NDE1: variants seen among roughly 807,000 people sequenced by gnomAD.
NDE1 encodes nuclear distribution protein nudE homolog 1.
A neutral mutation model predicts 43.4 loss-of-function variants in NDE1; 28 were observed. That is an observed-to-expected ratio of 0.65 (90% CI 0.48 to 0.89). NDE1 has a LOEUF of 0.89. NDE1 is among the 40% of genes least tolerant of loss of function. The probability of loss-of-function intolerance (pLI) is 0.00; values close to 1 mark genes in which losing one functional copy is unlikely to be tolerated. For missense variants in NDE1, 441 were observed against 434.1 expected (o/e 1.02, Z -0.14); for synonymous variants, 184 against 172.0 (o/e 1.07, Z -0.55).
chr16:15,715,305 C>G, intron 8 of NDE1: 1 of 1,608,534 alleles, frequency 6.2e-7, no homozygotes. Context: ...GTGGTTTCAG[C>G]GGAGGGTGGC....
At chr16:15,706,046 G>C (rs56403331) in intron 8 of NDE1, among the ~76,000 whole-genome samples, 21,694 of 147,776 alleles carry the variant, frequency 0.15, 3,447 homozygotes, top group African/African-American at 0.4. Flanking sequence ...AGAGGAATTC[G>C]CAAATGACCC....
intron 8 of NDE1, among the ~76,000 whole-genome samples, chr16:15,723,244 T>G (rs2040577099): frequency 6.6e-6 from 1 of 152,204 alleles, no homozygotes; most frequent in Non-Finnish European, 1.5e-5. Flanking sequence ...AAATAAACTC[T>G]AATTAATATG....
chr16:15,708,687 A>G (rs1450504257), intron 8 of NDE1: 2 of 1,149,684 alleles, frequency 1.7e-6, no homozygotes, highest in Non-Finnish European at 2.6e-6. Flanking sequence ...AGATTTTGCA[A>G]GAATCTCGTG....
Position 15,717,205 on chromosome 16 carries a change from C to T in NDE1, c.948-6986C>T, listed in dbSNP as rs1050162. 780,938 of 1,613,910 alleles carry T rather than the reference C, an allele frequency of 0.48. 192,183 individuals are homozygous for T. Among genetic ancestry groups the T allele is most frequent in the Middle Eastern group, 0.59 (3,580 of 6,062 alleles). Reference sequence around the variant, plus strand: ...TGGCCTCCAGCGCCGCGATGGTGGACTTGAACTTGGACTTGACGGCCCCCT... The same window carrying T: ...TGGCCTCCAGCGCCGCGATGGTGGATTTGAACTTGGACTTGACGGCCCCCT... On this transcript the variant is annotated intron_variant, in intron 8 of 8. Transcript: ENST00000396354.
intron 8 of NDE1, chr16:15,718,543 G>T: frequency 6.9e-7 from 1 of 1,444,634 alleles, no homozygotes; most frequent in South Asian, 1.3e-5. Flanking sequence ...TCATCTAATG[G>T]GTGAAACTGA....
At chr16:15,660,397 T>C (rs1425127750) in intron 1 of NDE1, among the ~76,000 whole-genome samples, 2 of 152,014 alleles carry the variant, frequency 1.3e-5, no homozygotes, top group Non-Finnish European at 2.9e-5. Flanking sequence ...CAGTGCCGCC[T>C]AGGAGTTCAA....
chr16:15,690,337 C>CTTTTTTTTTTTTCTTT (rs2038671438), intron 5 of NDE1, among the ~76,000 whole-genome samples: 1 of 74,108 alleles, frequency 1.3e-5, no homozygotes, highest in African/African-American at 4.7e-5. Flanking sequence ...TGCAACTGGC[C>CTTTTTTTTTTTTCTTT]TTTTTTTTTT....
chr16:15,693,375 C>T (rs1441376336), intron 6 of NDE1, among the ~76,000 whole-genome samples: 1 of 152,158 alleles, frequency 6.6e-6, no homozygotes, highest in African/African-American at 2.4e-5. Context: ...AAGAGAGGCT[C>T]TGCAGAGCGG....
chr16:15,696,734 G>C lies in NDE1; in HGVS notation c.821G>C (p.Cys274Ser), dbSNP rs369508846. The stretch of plus-strand genomic sequence containing the variant: ...GCACTGGAGTCCAAACTCGCTTCCT[G>C]CCGGAACCTCGTGTACGATCAGTCC... The part of the protein sequence containing the change: ...VGALESKLAS[C>S]RNLVYDQSPN... The change falls in exon 8 of 9, where the codon TGC becomes TCC. Residue 274 changes from cysteine (C) to serine (S), a missense_variant. Physicochemically the swap from Cys to Ser is moderately radical, Grantham distance 112 (BLOSUM62 -1). Coordinates refer to ENST00000396354, the MANE Select transcript of NDE1 (RefSeq NM_017668.3). The C allele has an allele frequency of 1.9e-5, 31 of 1,614,186 alleles. No individual in the cohort carries two copies. The East Asian group carries it at 5.8e-4, about 30-fold the overall frequency.
intron 1 of NDE1, among the ~76,000 whole-genome samples, chr16:15,644,605 A>G (rs2036268167): frequency 6.6e-6 from 1 of 152,198 alleles, no homozygotes; most frequent in Admixed American, 6.5e-5. Context: ...GTGAAACCCT[A>G]TCACTATTTA....
chr16:15,722,011 C>T (rs2040513579), intron 8 of NDE1, among the ~76,000 whole-genome samples: 1 of 152,116 alleles, frequency 6.6e-6, no homozygotes, highest in African/African-American at 2.4e-5. Flanking sequence ...GTGCCCACCA[C>T]CACACCTGGC....
intron 8 of NDE1, chr16:15,714,207 A>AGG (rs2039985398): frequency 6.5e-6 from 1 of 153,734 alleles, no homozygotes; most frequent in Admixed American, 6.4e-5. Flanking sequence ...CCTTGGGAGC[A>AGG]GGGGGGACCC....
chr16:15,673,869 C>T (rs1008766203), intron 3 of NDE1, among the ~76,000 whole-genome samples: 9 of 152,092 alleles, frequency 5.9e-5, no homozygotes, highest in Admixed American at 1.3e-4. Flanking sequence ...AGCACGGGAA[C>T]GGGCAGGTGA....
chr16:15,652,721 T>C (rs1180583715), intron 1 of NDE1, among the ~76,000 whole-genome samples: 1 of 152,166 alleles, frequency 6.6e-6, no homozygotes, highest in African/African-American at 2.4e-5. Context: ...TGGAACACAG[T>C]GATGCAATCA....
In NDE1 at chr16:15,720,878, G is replaced by A. The variant is rs759031841; in HGVS notation, c.948-3313G>A. On this transcript the variant is annotated intron_variant, in intron 8 of 8. Coordinates refer to ENST00000396354, the MANE Select transcript of NDE1 (RefSeq NM_017668.3). ...GCCTCCTCTTCTCCTCATTCTGCTC[G>A]TCCCGGGCTTGGAGATCCCTTTCGA... 11 of 1,613,942 alleles carry A rather than the reference G, an allele frequency of 6.8e-6. No individual in the cohort carries two copies. Among genetic ancestry groups the A allele is most frequent in the East Asian group, 4.5e-5 (2 of 44,844 alleles).
At chr16:15,718,619 G>T (rs867519003) in intron 8 of NDE1, 2 of 919,382 alleles carry the variant, frequency 2.2e-6, no homozygotes, top group Non-Finnish European at 3.2e-6. Flanking sequence ...CCGGGACTCA[G>T]GCCGGGTCCG....
intron 1 of NDE1, among the ~76,000 whole-genome samples, chr16:15,652,925 C>T (rs1228516091): frequency 2.0e-5 from 3 of 152,152 alleles, no homozygotes; most frequent in Admixed American, 2.0e-4. Context: ...CTCAGCCTCC[C>T]AACGTGCCGG....
At position 15,717,553 on chromosome 16, in the gene NDE1, T is replaced by C. The variant is rs756045655; in HGVS notation, c.948-6638T>C. The C allele has an allele frequency of 3.4e-4, 206 of 605,932 alleles. 1 individual carries two copies. The highest frequency in any genetic ancestry group is 1.2e-3 in the Admixed American group (40 of 34,096). The allele number at this position is 605,932 out of a possible 1,614,324, so 37.5% of individuals were successfully genotyped here. A position where few individuals can be genotyped will look rare whatever the true frequency, so the allele number is the denominator to read the frequency against. On this transcript the variant is annotated intron_variant, in intron 8 of 8. Transcript: ENST00000396354. ...CGCACGCCTGTAATCCCAGCACTTT[T>C]GGAAGCAGAGGCAGGTAAATCACTT...
chr16:15,708,609 G>C (rs1270682047), intron 8 of NDE1, among the ~76,000 whole-genome samples: 2 of 152,240 alleles, frequency 1.3e-5, no homozygotes, highest in Non-Finnish European at 2.9e-5. Context: ...TGGGTCAAGA[G>C]ATGAGGTCTA....
Sources: gnomAD v4.1 joint callset for allele counts (sites outside exome capture counted in the v4.1 genomes callset) on GRCh38, gnomAD v4.1.1 for gene constraint, MANE v1.5 for transcripts, NCBI Gene and HGNC (gene_info 2026-07-23, HGNC 2026-07-21) for gene names.